Variants in GRID2 observed in about 807,000 individuals in gnomAD.
The protein encoded by GRID2 is glutamate ionotropic receptor delta type subunit 2, also known as glutamate receptor ionotropic, delta-2.
GRID2 carries 33 observed loss-of-function variants against 114.8 expected under a neutral mutation model. The observed-to-expected ratio is 0.29, with a 90% CI of 0.22 to 0.38. The LOEUF is 0.38. Ranked by LOEUF, GRID2 falls within the 10% of genes least tolerant of loss-of-function variation. The pLI, the probability that GRID2 is intolerant of heterozygous loss-of-function variation, is 1.00. For synonymous variants in GRID2, 505 were observed against 449.9 expected, an observed-to-expected ratio of 1.12 and a Z score of -1.55; for missense variants, 1,184 against 1,257.7, an observed-to-expected ratio of 0.94 and a Z score of 0.89.
intron 8 of GRID2, among the ~76,000 whole-genome samples, chr4:93,285,344 C>T (rs190297811): frequency 6.6e-4 from 101 of 152,070 alleles, no homozygotes; most frequent in African/African-American, 2.4e-3. Flanking sequence ...TGTATAGGTA[C>T]TTCTTGTTAT....
chr4:93,231,044 A>T (rs1230826611), intron 7 of GRID2, among the ~76,000 whole-genome samples: 4 of 152,074 alleles, frequency 2.6e-5, no homozygotes, highest in Non-Finnish European at 5.9e-5. Context: ...AAAGTAGGAG[A>T]GGATTTCCAG....
chr4:92,915,757 T>A (rs1379283015), intron 2 of GRID2, among the ~76,000 whole-genome samples: 1 of 152,158 alleles, frequency 6.6e-6, no homozygotes, highest in Non-Finnish European at 1.5e-5. Flanking sequence ...TAGTAGCCAT[T>A]CTGTCTGGTG....
At chr4:92,839,101 G>A (rs79775225) in intron 2 of GRID2, among the ~76,000 whole-genome samples, 2,371 of 152,130 alleles carry the variant, frequency 0.016, 62 homozygotes, top group African/African-American at 0.053. Flanking sequence ...TCTTTCAAGC[G>A]AGCATGTGTA....
chr4:93,032,022 C>T (rs576240894), intron 2 of GRID2, among the ~76,000 whole-genome samples: 1 of 152,150 alleles, frequency 6.6e-6, no homozygotes, highest in Admixed American at 6.5e-5. Context: ...TCAAGGGCAC[C>T]AGCAACCTAT....
chr4:92,311,904 T>C (rs1415355789), intron 1 of GRID2, among the ~76,000 whole-genome samples: 1 of 151,994 alleles, frequency 6.6e-6, no homozygotes, highest in East Asian at 1.9e-4. Flanking sequence ...TACATTCTCA[T>C]GGAAGAGGCA....
intron 1 of GRID2, among the ~76,000 whole-genome samples, chr4:92,582,483 T>C (rs1728228921): frequency 6.6e-6 from 1 of 151,840 alleles, no homozygotes; most frequent in South Asian, 2.1e-4. Flanking sequence ...AAAGTTTGTA[T>C]AAAAACAGGT....
chr4:92,395,451 A>G (rs1023233090), intron 1 of GRID2, among the ~76,000 whole-genome samples: 2 of 151,794 alleles, frequency 1.3e-5, no homozygotes, highest in Admixed American at 6.6e-5. Flanking sequence ...ATTACTTAAT[A>G]TCTATTAAAA....
At chr4:93,591,334 C>T (rs1179382522) in intron 13 of GRID2, among the ~76,000 whole-genome samples, 12 of 151,462 alleles carry the variant, frequency 7.9e-5, no homozygotes, top group African/African-American at 1.2e-4. Context: ...TTGTCTTTGG[C>T]TCTGTTTATA....
chr4:93,184,791 A>T (rs1740246001), intron 4 of GRID2, among the ~76,000 whole-genome samples: 1 of 152,184 alleles, frequency 6.6e-6, no homozygotes, highest in African/African-American at 2.4e-5. Flanking sequence ...CTGAGACAGG[A>T]GAATCACTTG....
intron 1 of GRID2, among the ~76,000 whole-genome samples, chr4:93,784,727 A>G (rs1436962915): frequency 6.6e-6 from 1 of 152,020 alleles, no homozygotes; most frequent in African/African-American, 2.4e-5. Flanking sequence ...CTATTACAGA[A>G]GAGATATCCT....
Position 92,961,551 on chromosome 4 carries a change from TAGTG to T in GRID2, c.245-123439_245-123436del, listed in dbSNP as rs575608853. On this transcript the variant is annotated intron_variant, in intron 2 of 15. Coordinates refer to ENST00000282020, the MANE Select transcript of GRID2 (RefSeq NM_001510.4). ...TGATAAGTCAGATATAATTTTATCT[TAGTG>T]AGTGCTTTTTTTCTTTCTCTCTAGT... 8.6e-5 allele frequency among the ~76,000 whole-genome samples: 13 copies of T among 151,856 alleles called. No homozygotes were observed. In the East Asian group the frequency reaches 1.9e-3, roughly 23 times the overall value.
intron 2 of GRID2, among the ~76,000 whole-genome samples, chr4:93,001,243 A>C (rs1004350412): frequency 5.9e-5 from 9 of 151,822 alleles, no homozygotes; most frequent in African/African-American, 2.2e-4. Flanking sequence ...TAAAAATGTT[A>C]TGTGTAAACA....
chr4:93,329,256 G>A (rs529834673), intron 8 of GRID2, among the ~76,000 whole-genome samples: 1 of 151,968 alleles, frequency 6.6e-6, no homozygotes, highest in African/African-American at 2.4e-5. Flanking sequence ...GAAAACTGGA[G>A]GCATTGACAT....
Position 92,979,939 on chromosome 4 carries a change from T to G in GRID2, c.245-105056T>G, listed in dbSNP as rs192543643. ...AGCAGGAATGTTAGCAGACAACATC[T>G]CATTTTTGCAATTAATCTGCTTTAT... On this transcript the variant is annotated intron_variant, in intron 2 of 15. Coordinates refer to ENST00000282020, the MANE Select transcript of GRID2 (RefSeq NM_001510.4). 4.2e-4 allele frequency among the ~76,000 whole-genome samples: 64 copies of G among 152,306 alleles called. 2 individuals are homozygous for G. The East Asian group carries it at 0.011, about 27-fold the overall frequency.
At chr4:92,394,619 C>A (rs1261112815) in intron 1 of GRID2, among the ~76,000 whole-genome samples, 1 of 151,728 alleles carries the variant, frequency 6.6e-6, no homozygotes. Flanking sequence ...AGACAAAGCC[C>A]AATTAAACAT....
At chr4:92,593,047 A>AT (rs1728780745) in intron 2 of GRID2, among the ~76,000 whole-genome samples, 1 of 151,920 alleles carries the variant, frequency 6.6e-6, no homozygotes, top group South Asian at 2.1e-4. Flanking sequence ...GTCTGTTTTC[A>AT]TTTTTTTACA....
At chr4:93,450,594 G>A (rs561678288) in intron 10 of GRID2, among the ~76,000 whole-genome samples, 2 of 151,816 alleles carry the variant, frequency 1.3e-5, no homozygotes, top group South Asian at 2.1e-4. Flanking sequence ...CTAAGATTCA[G>A]TGATTATATT....
At chr4:92,645,611 C>CA (rs1469054880) in intron 2 of GRID2, among the ~76,000 whole-genome samples, 1 of 151,626 alleles carries the variant, frequency 6.6e-6, no homozygotes, top group Admixed American at 6.6e-5. Context: ...ATTTCTATTA[C>CA]TCCACAAAGT....
Position 92,830,308 on chromosome 4 carries a change from T to A in GRID2, c.244+240022T>A, listed in dbSNP as rs909430112. Among the ~76,000 whole-genome samples the A allele has an allele frequency of 5.9e-5, 9 of 151,808 alleles. No homozygotes were observed. In the South Asian group the frequency reaches 1.2e-3, roughly 21 times the overall value. The stretch of plus-strand genomic sequence containing the variant: ...GGATTTACATTGTTTTTTTTTTTTT[T>A]ATTCTGAAAGACTCCTTATGTCTTA... On this transcript the variant is annotated intron_variant, in intron 2 of 15. Coordinates refer to ENST00000282020, the MANE Select transcript of GRID2 (RefSeq NM_001510.4).
Sources: allele counts gnomAD v4.1 joint callset (sites outside exome capture counted in the v4.1 genomes callset), GRCh38; gene constraint gnomAD v4.1.1; transcripts MANE v1.5; gene names NCBI Gene and HGNC (gene_info 2026-07-23, HGNC 2026-07-21).